DNTT: variants seen among roughly 807,000 people sequenced by gnomAD.
The protein encoded by DNTT is nucleosidetriphosphate:DNA deoxynucleotidylexotransferase.
Under a neutral mutation model 60.9 loss-of-function variants are expected in DNTT, and 47 were observed. That is an observed-to-expected ratio of 0.77 (90% CI 0.61 to 0.98). The LOEUF (loss-of-function observed/expected upper bound fraction) is 0.98. DNTT is among the 50% of genes least tolerant of loss of function. DNTT has a pLI of 0.00. For missense variants in DNTT, 665 were observed against 627.5 expected, an observed-to-expected ratio of 1.06 and a Z score of -0.64; for synonymous variants, 224 against 221.2, an observed-to-expected ratio of 1.01 and a Z score of -0.11.
intron 3 of DNTT, among the ~76,000 whole-genome samples, chr10:96,320,147 A>C (rs1023650812): frequency 6.6e-6 from 1 of 152,204 alleles, no homozygotes; most frequent in African/African-American, 2.4e-5. Flanking sequence ...AGAAATACAA[A>C]CGTGCCCTAC....
At chr10:96,315,749 A>G (rs934285857) in intron 1 of DNTT, among the ~76,000 whole-genome samples, 15 of 151,282 alleles carry the variant, frequency 9.9e-5, no homozygotes, top group Non-Finnish European at 2.1e-4. Context: ...ATAATAATGT[A>G]TCATAAGTAT....
chr10:96,313,306 A>G (rs1441996052), intron 1 of DNTT, among the ~76,000 whole-genome samples: 9 of 152,200 alleles, frequency 5.9e-5, no homozygotes, highest in Admixed American at 5.9e-4. Context: ...AAGGAAGCCA[A>G]GGTCTCTGTG....
chr10:96,307,705 G>GTATATA (rs1203030676), intron 1 of DNTT, among the ~76,000 whole-genome samples: 4 of 52,876 alleles, frequency 7.6e-5, no homozygotes, highest in African/African-American at 2.0e-4. Context: ...GTGTGTGTGT[G>GTATATA]TATATATATA....
chr10:96,338,122 CTTG>C lies in DNTT; in HGVS notation c.1444-13_1444-11del. ...GAAAAATATCTGAATGCACATATTT[CTTG>C]TTATGTTTTCAGAGGATATTCCTCA... On this transcript the variant is annotated splice_polypyrimidine_tract_variant and intron_variant, in intron 10 of 10. Coordinates refer to ENST00000371174, the MANE Select transcript of DNTT (RefSeq NM_004088.4). 1 of 1,605,834 alleles carries C rather than the reference CTTG, an allele frequency of 6.2e-7. No individual in the cohort carries two copies. The highest frequency in any genetic ancestry group is 8.5e-7 in the Non-Finnish European group (1 of 1,176,266).
At chr10:96,307,388 G>A (rs961287175) in intron 1 of DNTT, among the ~76,000 whole-genome samples, 5 of 110,986 alleles carry the variant, frequency 4.5e-5, no homozygotes, top group African/African-American at 7.1e-5. Flanking sequence ...ACGGAGTCTC[G>A]CTCTGTCCCA....
intron 6 of DNTT, among the ~76,000 whole-genome samples, chr10:96,325,841 A>G (rs1006372818): frequency 2.0e-5 from 3 of 152,236 alleles, no homozygotes; most frequent in African/African-American, 4.8e-5. Flanking sequence ...AGGACAGTTC[A>G]TGGTCAGATG....
chr10:96,329,209 G>A (rs1385390167), intron 8 of DNTT, among the ~76,000 whole-genome samples: 1 of 152,256 alleles, frequency 6.6e-6, no homozygotes, highest in Non-Finnish European at 1.5e-5. Flanking sequence ...CAAAGACTGG[G>A]ATAAAATCAG....
At chr10:96,306,665 TAC>T (rs994802757) in intron 1 of DNTT, 1 of 152,248 alleles carries the variant, frequency 6.6e-6, no homozygotes, top group Non-Finnish European at 1.5e-5. Flanking sequence ...AAGAGGCAGC[TAC>T]ATGCCCCAGA....
intron 1 of DNTT, among the ~76,000 whole-genome samples, chr10:96,311,272 G>A (rs749599775): frequency 1.3e-4 from 20 of 152,276 alleles, no homozygotes; most frequent in Non-Finnish European, 2.4e-4. Flanking sequence ...TACAAAATAA[G>A]TCCTATATCA....
Position 96,327,505 on chromosome 10 carries a change from C to A in DNTT, c.912C>A (p.Thr304=). ...ATGAAGACCTTGTCAGCTGTGTGAC[C>A]AGGGCAGAAGCAGAGGCCGTCAGTG... ...LYYEDLVSCV[T]RAEAEAVSVL... Residue 304 remains threonine, a synonymous_variant, in exon 7 of 11, where the codon ACC becomes ACA. Coordinates refer to ENST00000371174, the MANE Select transcript of DNTT (RefSeq NM_004088.4). The A allele has an allele frequency of 6.2e-7, 1 of 1,614,040 alleles. No homozygotes were observed. The highest frequency in any genetic ancestry group is 8.5e-7 in the Non-Finnish European group (1 of 1,179,934).
rs570222869 is a variant in DNTT at position 96,315,295 on chromosome 10, T to C, written c.204-3057T>C. ...TGGTGATGTCAAATTACAATTAAAG[T>C]TTCTAAATGCTGACTTACAATTTCT... is the stretch of plus-strand genomic sequence containing the variant. On this transcript the variant is annotated intron_variant, in intron 1 of 10. Transcript: ENST00000371174. 2.1e-4 allele frequency among the ~76,000 whole-genome samples: 32 copies of C among 152,228 alleles called. No individual in the cohort carries two copies. In the East Asian group the frequency reaches 5.4e-3, roughly 26 times the overall value.
Position 96,304,713 on chromosome 10 carries a change from C to T in DNTT, c.203+13C>T, listed in dbSNP as rs1249424646. On this transcript the variant is annotated intron_variant, in intron 1 of 10. Transcript: ENST00000371174. ...AAAATGAGCTCAGGTAGGACAGCAT[C>T]GATCTTGCTTTGTAAATAAGCAGAG... 8.7e-6 allele frequency: 14 copies of T among 1,611,332 alleles called. No individual in the cohort carries two copies. The highest frequency in any genetic ancestry group is 2.2e-5 in the South Asian group (2 of 90,862).
chr10:96,323,920 C>T (rs558026835), intron 5 of DNTT, among the ~76,000 whole-genome samples: 2 of 152,222 alleles, frequency 1.3e-5, no homozygotes, highest in East Asian at 1.9e-4. Flanking sequence ...GCATGAGTGT[C>T]GGTGAGAGAC....
chr10:96,312,730 C>A (rs770343859), intron 1 of DNTT, among the ~76,000 whole-genome samples: 19 of 152,170 alleles, frequency 1.2e-4, no homozygotes, highest in Non-Finnish European at 2.1e-4. Flanking sequence ...ATCAGAATCA[C>A]CAATGGAGCT....
chr10:96,336,939 G>GAA (rs1223826665), intron 10 of DNTT, among the ~76,000 whole-genome samples: 13,893 of 68,042 alleles, frequency 0.2, 2,155 homozygotes, highest in African/African-American at 0.38. Flanking sequence ...CTCTGTGTCA[G>GAA]GAAAAAAAAA....
intron 1 of DNTT, among the ~76,000 whole-genome samples, chr10:96,310,023 C>T (rs1844691597): frequency 6.6e-6 from 1 of 152,166 alleles, no homozygotes; most frequent in Non-Finnish European, 1.5e-5. Context: ...GAGGGAGGGC[C>T]TAACTTCAGA....
chr10:96,314,112 G>T (rs1589370181), intron 1 of DNTT, among the ~76,000 whole-genome samples: 1 of 152,180 alleles, frequency 6.6e-6, no homozygotes, highest in Non-Finnish European at 1.5e-5. Context: ...CAAATTCTAT[G>T]TGGCAGCAGC....
chr10:96,307,424 G>A (rs1301691167), intron 1 of DNTT, among the ~76,000 whole-genome samples: 3 of 130,820 alleles, frequency 2.3e-5, no homozygotes, highest in Admixed American at 9.4e-5. Flanking sequence ...GCACGATCTC[G>A]GCTCACTGCA....
chr10:96,330,277 C>T (rs542202548), intron 8 of DNTT, among the ~76,000 whole-genome samples: 2 of 151,324 alleles, frequency 1.3e-5, no homozygotes, highest in Admixed American at 6.6e-5. Flanking sequence ...CTCTTACCCA[C>T]CAAGTGACAG....
Sources: gnomAD v4.1 joint callset for allele counts (sites outside exome capture counted in the v4.1 genomes callset) on GRCh38, gnomAD v4.1.1 for gene constraint, MANE v1.5 for transcripts, NCBI Gene and HGNC (gene_info 2026-07-23, HGNC 2026-07-21) for gene names.